The following GCH1 variants were observed in gnomAD, a reference collection of about 807,000 sequenced individuals.
GCH1 encodes the protein GTP cyclohydrolase 1.
Under a neutral mutation model 25.9 loss-of-function variants are expected in GCH1, and 5 were observed. The ratio of observed to expected loss-of-function variants is 0.19; its 90% confidence interval spans 0.10 to 0.41. GCH1 has a LOEUF of 0.41. Ranked by LOEUF, GCH1 falls within the 10% of genes least tolerant of loss-of-function variation. GCH1 has a pLI of 1.00. For synonymous variants in GCH1, 159 were observed against 129.6 expected, an observed-to-expected ratio of 1.23 and a Z score of -1.54; for missense variants, 261 against 336.5, an observed-to-expected ratio of 0.78 and a Z score of 1.75.
chr14:54,898,287 A>T (rs958316986), intron 1 of GCH1, among the ~76,000 whole-genome samples: 1 of 152,350 alleles, frequency 6.6e-6, no homozygotes, highest in African/African-American at 2.4e-5. Context: ...AAAATATAGT[A>T]GAAAAGACTT....
chr14:54,881,461 A>T (rs576702967), intron 1 of GCH1, among the ~76,000 whole-genome samples: 36 of 152,340 alleles, frequency 2.4e-4, no homozygotes, highest in Admixed American at 1.7e-3. Context: ...GAGGAAAAAA[A>T]AATCGCTCTC....
At chr14:54,849,218 G>GCT (rs1169075979) in intron 3 of GCH1, among the ~76,000 whole-genome samples, 1 of 152,168 alleles carries the variant, frequency 6.6e-6, no homozygotes, top group Non-Finnish European at 1.5e-5. Flanking sequence ...TGGTGAACAT[G>GCT]CTCTCTGTGC....
chr14:54,860,538 CTTTT>C (rs869140517), intron 2 of GCH1, among the ~76,000 whole-genome samples: 1 of 134,174 alleles, frequency 7.5e-6, no homozygotes. Flanking sequence ...CACCATCTTC[CTTTT>C]TTTTTTTTTT....
At chr14:54,878,356 A>G (rs551882072) in intron 1 of GCH1, among the ~76,000 whole-genome samples, 1 of 152,356 alleles carries the variant, frequency 6.6e-6, no homozygotes, top group Non-Finnish European at 1.5e-5. Context: ...AAAGGATAGG[A>G]AAGAGCTAAT....
chr14:54,862,573 T>C (rs1300797612), intron 2 of GCH1, among the ~76,000 whole-genome samples: 1 of 148,916 alleles, frequency 6.7e-6, no homozygotes, highest in Non-Finnish European at 1.5e-5. Flanking sequence ...TTTGTTTGTC[T>C]GTTTGGTTGA....
At chr14:54,898,185 G>C (rs2040514523) in intron 1 of GCH1, among the ~76,000 whole-genome samples, 1 of 152,150 alleles carries the variant, frequency 6.6e-6, no homozygotes. Context: ...TTCGAGACCA[G>C]CCTGGGCAAA....
intron 3 of GCH1, among the ~76,000 whole-genome samples, chr14:54,854,320 A>C (rs1198555232): frequency 6.6e-6 from 1 of 152,194 alleles, no homozygotes; most frequent in Non-Finnish European, 1.5e-5. Context: ...GCAGGAGCTT[A>C]ACATTCCCTC....
At chr14:54,881,520 A>T (rs925733136) in intron 1 of GCH1, among the ~76,000 whole-genome samples, 3 of 152,168 alleles carry the variant, frequency 2.0e-5, no homozygotes, top group African/African-American at 7.2e-5. Context: ...AGCTTCCGAC[A>T]CTCACAGCTT....
At chr14:54,894,685 ACTT>A (rs1474969889) in intron 1 of GCH1, among the ~76,000 whole-genome samples, 6 of 152,124 alleles carry the variant, frequency 3.9e-5, no homozygotes, top group Non-Finnish European at 8.8e-5. Flanking sequence ...TTTCTCAGTA[ACTT>A]CTTAACTGTT....
intron 2 of GCH1, 119 bp downstream of exon 2, chr14:54,865,208 A>G: frequency 1.6e-6 from 1 of 642,384 alleles, no homozygotes; most frequent in Non-Finnish European, 2.8e-6. Context: ...CCATATATGT[A>G]TAATTGTAAA....
At chr14:54,871,520 G>A (rs1340997759) in intron 1 of GCH1, among the ~76,000 whole-genome samples, 1 of 152,200 alleles carries the variant, frequency 6.6e-6, no homozygotes, top group Non-Finnish European at 1.5e-5. Flanking sequence ...CGAATTGAGA[G>A]AAAAAGGCTT....
At chr14:54,872,520 GC>G (rs1344425248) in intron 1 of GCH1, among the ~76,000 whole-genome samples, 1 of 152,076 alleles carries the variant, frequency 6.6e-6, no homozygotes, top group African/African-American at 2.4e-5. Flanking sequence ...ATGTAAATGG[GC>G]TAAATGCTCC....
At chr14:54,878,313 A>C (rs969114302) in intron 1 of GCH1, 1 of 152,562 alleles carries the variant, frequency 6.6e-6, no homozygotes, top group Non-Finnish European at 1.5e-5. Context: ...ACAGTGGAAG[A>C]TGACTTGGAA....
At chr14:54,848,896 G>A (rs912074176) in intron 3 of GCH1, among the ~76,000 whole-genome samples, 1 of 152,146 alleles carries the variant, frequency 6.6e-6, no homozygotes, top group African/African-American at 2.4e-5. Context: ...TCAAATTTCT[G>A]TATATATTAC....
At chr14:54,873,929 G>T (rs551728831) in intron 1 of GCH1, among the ~76,000 whole-genome samples, 4 of 152,276 alleles carry the variant, frequency 2.6e-5, no homozygotes, top group South Asian at 2.1e-4. Flanking sequence ...GGAGGAGCTG[G>T]TACCATTCCT....
At chr14:54,855,239 C>T (rs1014003994) in intron 3 of GCH1, among the ~76,000 whole-genome samples, 1 of 152,116 alleles carries the variant, frequency 6.6e-6, no homozygotes, top group South Asian at 2.1e-4. Context: ...GGCGCGGTGG[C>T]TCACTCCCGT....
At chr14:54,854,412 G>A (rs772069485) in intron 3 of GCH1, among the ~76,000 whole-genome samples, 3 of 152,110 alleles carry the variant, frequency 2.0e-5, no homozygotes, top group Non-Finnish European at 4.4e-5. Flanking sequence ...TGCACCTGCC[G>A]GGCAGTGAGC....
Position 54,845,800 on chromosome 14 carries a change from C to T in GCH1, c.594G>A (p.Arg198=), listed in dbSNP as rs754602206. The part of the protein sequence containing the change: ...QIAVAITEAL[R]PAGVGVVVEA... ...CAACCACTACCCCGACTCCAGCAGG[C>T]CGCAAGGCTTCCGTGATTGCTACAG... Residue 198 remains arginine, a synonymous_variant, in exon 5 of 6, where the codon CGG becomes CGA. Transcript: ENST00000491895. 3.1e-6 allele frequency: 5 copies of T among 1,609,832 alleles called. No homozygotes were observed. Among genetic ancestry groups the T allele is most frequent in the Non-Finnish European group, 4.3e-6 (5 of 1,176,152 alleles).
At chr14:54,887,364 C>A (rs115300850) in intron 1 of GCH1, among the ~76,000 whole-genome samples, 200 of 152,240 alleles carry the variant, frequency 1.3e-3, no homozygotes, top group African/African-American at 4.6e-3. Context: ...TTAGTGAGGT[C>A]TTTAGACCTG....
Sources: gnomAD v4.1 joint callset for allele counts (sites outside exome capture counted in the v4.1 genomes callset) on GRCh38, gnomAD v4.1.1 for gene constraint, MANE v1.5 for transcripts, NCBI Gene and HGNC (gene_info 2026-07-23, HGNC 2026-07-21) for gene names.